CCDC178: variants seen among roughly 807,000 people sequenced by gnomAD.
CCDC178 encodes coiled-coil domain containing 178.
A neutral mutation model predicts 117.4 loss-of-function variants in CCDC178; 126 were observed. That is an observed-to-expected ratio of 1.07 (90% CI 0.93 to 1.24). The LOEUF (loss-of-function observed/expected upper bound fraction) is 1.24, where lower values mean the gene tolerates loss of function less well. Ranked by LOEUF, CCDC178 falls within the 50% of genes most tolerant of loss-of-function variation. The pLI, the probability that CCDC178 is intolerant of heterozygous loss-of-function variation, is 0.00. For synonymous variants in CCDC178, 283 were observed against 313.4 expected, an observed-to-expected ratio of 0.90 and a Z score of 1.02; for missense variants, 1,030 against 986.9, an observed-to-expected ratio of 1.04 and a Z score of -0.59.
rs1198344997 is a variant in CCDC178, at chr18:33,232,293, C to CG, written c.1594-5439_1594-5438insC. 2.0e-5 allele frequency among the ~76,000 whole-genome samples: 3 copies of CG among 152,198 alleles called. No individual in the cohort carries two copies. The East Asian group carries it at 5.8e-4, about 29-fold the overall frequency. On this transcript the variant is annotated intron_variant, in intron 15 of 22. Coordinates refer to ENST00000383096, the MANE Select transcript of CCDC178 (RefSeq NM_001105528.4). The stretch of plus-strand genomic sequence containing the variant: ...GATAGCTGAAAGGAGGACAAACAGT[C>CG]AATACTGAGTCCGGAAACCCACATT...
intron 5 of CCDC178, among the ~76,000 whole-genome samples, chr18:33,385,750 T>C (rs2063484917): frequency 6.6e-6 from 1 of 150,602 alleles, no homozygotes; most frequent in East Asian, 1.9e-4. Flanking sequence ...AATGCCCACA[T>C]CAAAGAAAGA....
At chr18:33,280,199 T>C (rs373713499) in intron 12 of CCDC178, among the ~76,000 whole-genome samples, 2 of 151,950 alleles carry the variant, frequency 1.3e-5, no homozygotes, top group Non-Finnish European at 2.9e-5. Flanking sequence ...TCGCAACCTA[T>C]TCATCTGACA....
intron 15 of CCDC178, among the ~76,000 whole-genome samples, chr18:33,232,251 C>T (rs904082827): frequency 1.3e-5 from 2 of 152,092 alleles, no homozygotes; most frequent in African/African-American, 2.4e-5. Context: ...GGAATAGATT[C>T]CTGTACTAGG....
chr18:33,214,250 G>A (rs897726503), intron 19 of CCDC178, among the ~76,000 whole-genome samples: 1 of 152,044 alleles, frequency 6.6e-6, no homozygotes, highest in African/African-American at 2.4e-5. Context: ...GACGTACCTG[G>A]CACAATAGCA....
intron 14 of CCDC178, among the ~76,000 whole-genome samples, chr18:33,260,730 C>A (rs886566910): frequency 6.6e-6 from 1 of 151,688 alleles, no homozygotes; most frequent in Non-Finnish European, 1.5e-5. Flanking sequence ...ACATTTACAA[C>A]TATGTTCCAA....
intron 21 of CCDC178, among the ~76,000 whole-genome samples, chr18:33,054,136 C>G (rs901939711): frequency 1.3e-5 from 2 of 152,160 alleles, no homozygotes; most frequent in African/African-American, 4.8e-5. Flanking sequence ...ATACTTTAGT[C>G]TACTACCTAC....
intron 2 of CCDC178, among the ~76,000 whole-genome samples, chr18:33,439,640 T>C (rs1293413590): frequency 6.6e-6 from 1 of 152,198 alleles, no homozygotes; most frequent in Non-Finnish European, 1.5e-5. Context: ...TTAAACTTGG[T>C]AAGTGGTGTT....
intron 20 of CCDC178, among the ~76,000 whole-genome samples, chr18:33,102,289 C>G (rs1410447085): frequency 6.6e-6 from 1 of 151,678 alleles, no homozygotes; most frequent in Non-Finnish European, 1.5e-5. Flanking sequence ...GGTTTACATC[C>G]CCTCCTAATC....
At chr18:33,087,790 G>A (rs185997341) in intron 21 of CCDC178, among the ~76,000 whole-genome samples, 8 of 152,224 alleles carry the variant, frequency 5.3e-5, no homozygotes, top group Admixed American at 4.6e-4. Flanking sequence ...AGGACAACAA[G>A]CAATACTAAA....
Position 33,215,652 on chromosome 18 carries a change from C to T in CCDC178, c.1976G>A (p.Ser659Asn). 1.3e-6 allele frequency: 2 copies of T among 1,534,958 alleles called. No homozygotes were observed. The highest frequency in any genetic ancestry group is 2.6e-5 in the South Asian group (2 of 78,274). The change falls in exon 19 of 23, where the codon AGT (serine) becomes AAT (asparagine). Residue 659 changes from serine to asparagine, a missense_variant. Physicochemically the swap from Ser to Asn is conservative, Grantham distance 46 (BLOSUM62 1). Coordinates refer to ENST00000383096, the MANE Select transcript of CCDC178 (RefSeq NM_001105528.4). Reference protein sequence around the residue: ...AIFKDLEATKSKTMIFYAKIN... With the variant: ...AIFKDLEATKNKTMIFYAKIN... The stretch of plus-strand genomic sequence containing the variant: ...TTTTGCATAAAAAATCATTGTCTTA[C>T]TTTTAGTTGCTTCTAGGTCTTTAAA...
intron 21 of CCDC178, among the ~76,000 whole-genome samples, chr18:33,006,822 TAGA>T (rs936771403): frequency 2.0e-5 from 3 of 152,026 alleles, no homozygotes; most frequent in Non-Finnish European, 4.4e-5. Context: ...TGAGGGTCTC[TAGA>T]AGATGAGAGT....
chr18:33,262,877 C>CA (rs1350187707), intron 14 of CCDC178, among the ~76,000 whole-genome samples: 1 of 151,926 alleles, frequency 6.6e-6, no homozygotes, highest in Non-Finnish European at 1.5e-5. Context: ...GATTAGACTG[C>CA]AAAAAATGAG....
At chr18:32,984,622 T>G (rs972467769) in intron 21 of CCDC178, among the ~76,000 whole-genome samples, 2 of 150,194 alleles carry the variant, frequency 1.3e-5, no homozygotes, top group African/African-American at 2.5e-5. Context: ...AAGAAATAAA[T>G]GAATGAACGT....
At chr18:33,408,307 T>TTC (rs200526138) in intron 3 of CCDC178, among the ~76,000 whole-genome samples, 2,389 of 152,076 alleles carry the variant, frequency 0.016, 32 homozygotes, top group Middle Eastern at 0.024. Flanking sequence ...CAGGAAGATG[T>TTC]GTGCACATTT....
chr18:32,942,079 G>C (rs2054251097), intron 22 of CCDC178, among the ~76,000 whole-genome samples: 1 of 152,032 alleles, frequency 6.6e-6, no homozygotes, highest in Non-Finnish European at 1.5e-5. Flanking sequence ...GGATATATAG[G>C]ATCCACTCAG....
intron 21 of CCDC178, among the ~76,000 whole-genome samples, chr18:33,002,841 A>G (rs2055667038): frequency 6.6e-6 from 1 of 152,188 alleles, no homozygotes; most frequent in Non-Finnish European, 1.5e-5. Context: ...ATGAAAAAGG[A>G]GACATTACAA....
At chr18:33,161,355 C>T (rs2058460562) in intron 20 of CCDC178, among the ~76,000 whole-genome samples, 1 of 151,932 alleles carries the variant, frequency 6.6e-6, no homozygotes, top group African/African-American at 2.4e-5. Context: ...ATGAAAACTA[C>T]ATGTGTGGAG....
intron 11 of CCDC178, among the ~76,000 whole-genome samples, chr18:33,300,536 C>T (rs2062163300): frequency 1.3e-5 from 2 of 152,278 alleles, no homozygotes; most frequent in South Asian, 4.1e-4. Flanking sequence ...GACCAAAATA[C>T]TGATAGAAAC....
intron 15 of CCDC178, among the ~76,000 whole-genome samples, chr18:33,235,691 G>T (rs745609373): frequency 6.6e-6 from 1 of 152,068 alleles, no homozygotes; most frequent in African/African-American, 2.4e-5. Context: ...AACCCTTCGA[G>T]ATTATGCAGC....
Sources: allele counts gnomAD v4.1 joint callset (sites outside exome capture counted in the v4.1 genomes callset), GRCh38; gene constraint gnomAD v4.1.1; transcripts MANE v1.5; gene names NCBI Gene and HGNC (gene_info 2026-07-23, HGNC 2026-07-21).